PPFIA2: variants seen among roughly 807,000 people sequenced by gnomAD.
PPFIA2 encodes the protein PPFI scaffold protein A2.
In PPFIA2, 46 loss-of-function variants were observed where a neutral mutation model predicts 175.5. That is an observed-to-expected ratio of 0.26 (90% confidence interval 0.21 to 0.34). PPFIA2 has a LOEUF of 0.34. PPFIA2 is among the 10% of genes least tolerant of loss of function. PPFIA2 has a pLI of 1.00. For missense variants in PPFIA2, 1,179 were observed against 1,506.1 expected (o/e 0.78, Z 3.60); for synonymous variants, 568 against 511.4 (o/e 1.11, Z -1.49).
chr12:81,743,251 T>C (rs1188111598), intron 3 of PPFIA2, among the ~76,000 whole-genome samples: 3 of 151,204 alleles, frequency 2.0e-5, no homozygotes, highest in Non-Finnish European at 4.4e-5. Flanking sequence ...ACCCCATCTC[T>C]ACTAAAAATG....
chr12:81,574,073 C>T (rs2073058982), intron 4 of PPFIA2, among the ~76,000 whole-genome samples: 1 of 151,810 alleles, frequency 6.6e-6, no homozygotes, highest in Non-Finnish European at 1.5e-5. Context: ...ACATTTAATG[C>T]TACATTTTCT....
chr12:81,372,432 T>C (rs1254332975), intron 11 of PPFIA2, among the ~76,000 whole-genome samples: 3 of 150,210 alleles, frequency 2.0e-5, no homozygotes, highest in African/African-American at 7.3e-5. Context: ...ATTTTTACTT[T>C]AGTGAGTAGT....
At chr12:81,743,410 TCAAAAAAAAAAAAA>T (rs1169186746) in intron 3 of PPFIA2, among the ~76,000 whole-genome samples, 1 of 6,842 alleles carries the variant, frequency 1.5e-4, no homozygotes, top group African/African-American at 3.2e-4. Flanking sequence ...AGACTCCGTC[TCAAAAAAAAAAAAA>T]AAAAAAAAAA....
At chr12:81,387,494 A>T (rs986849264) in intron 8 of PPFIA2, among the ~76,000 whole-genome samples, 1 of 152,164 alleles carries the variant, frequency 6.6e-6, no homozygotes, top group African/African-American at 2.4e-5. Flanking sequence ...GAAGTACTGT[A>T]AGTCCAATAA....
intron 4 of PPFIA2, among the ~76,000 whole-genome samples, chr12:81,663,577 T>A (rs1457798403): frequency 6.6e-6 from 1 of 152,246 alleles, no homozygotes; most frequent in Non-Finnish European, 1.5e-5. Flanking sequence ...TGCTCATGGA[T>A]AGGAAGAATC....
intron 6 of PPFIA2, among the ~76,000 whole-genome samples, chr12:81,442,055 C>T (rs2050270606): frequency 6.6e-6 from 1 of 151,870 alleles, no homozygotes; most frequent in African/African-American, 2.4e-5. Context: ...TAGAACTGTT[C>T]CAAACTGTTT....
intron 4 of PPFIA2, among the ~76,000 whole-genome samples, chr12:81,497,556 T>G (rs867137909): frequency 0.012 from 1,769 of 142,028 alleles, 15 homozygotes; most frequent in African/African-American, 0.024. Flanking sequence ...TTTTTTTTTT[T>G]GGGGCAGAGT....
At chr12:81,586,685 T>G (rs2075344460) in intron 4 of PPFIA2, among the ~76,000 whole-genome samples, 1 of 151,742 alleles carries the variant, frequency 6.6e-6, no homozygotes, top group Admixed American at 6.6e-5. Flanking sequence ...TACTTAGCAT[T>G]CTGAAAATTT....
intron 4 of PPFIA2, among the ~76,000 whole-genome samples, chr12:81,527,977 G>C (rs1006754155): frequency 1.3e-5 from 2 of 152,044 alleles, no homozygotes; most frequent in Non-Finnish European, 2.9e-5. Flanking sequence ...AAGCTACTCG[G>C]TTTATGGTAT....
At chr12:81,416,861 T>C (rs984101064) in intron 7 of PPFIA2, among the ~76,000 whole-genome samples, 2 of 151,732 alleles carry the variant, frequency 1.3e-5, no homozygotes, top group Admixed American at 1.3e-4. Context: ...AGAGAGTGAA[T>C]GCAAACTAAA....
At chr12:81,374,081 T>C (rs893750114) in intron 11 of PPFIA2, among the ~76,000 whole-genome samples, 1 of 152,066 alleles carries the variant, frequency 6.6e-6, no homozygotes, top group African/African-American at 2.4e-5. Context: ...CTGGCCATAT[T>C]ATACAGAAAA....
intron 6 of PPFIA2, among the ~76,000 whole-genome samples, chr12:81,444,265 T>C (rs562611323): frequency 2.6e-5 from 4 of 152,338 alleles, no homozygotes; most frequent in African/African-American, 9.6e-5. Context: ...TTGTTTTTCA[T>C]TGATATGTGA....
intron 4 of PPFIA2, among the ~76,000 whole-genome samples, chr12:81,648,821 A>G (rs1253620489): frequency 2.0e-5 from 3 of 152,122 alleles, no homozygotes; most frequent in African/African-American, 7.2e-5. Flanking sequence ...AGAGAGTCCA[A>G]AACAGACCAA....
At chr12:81,637,612 C>T (rs1225237499) in intron 4 of PPFIA2, among the ~76,000 whole-genome samples, 1 of 152,050 alleles carries the variant, frequency 6.6e-6, no homozygotes, top group Non-Finnish European at 1.5e-5. Context: ...TCCTCTGTTA[C>T]ACTATGAGCC....
chr12:81,650,670 C>T (rs1295014645), intron 4 of PPFIA2, among the ~76,000 whole-genome samples: 1 of 152,044 alleles, frequency 6.6e-6, no homozygotes, highest in African/African-American at 2.4e-5. Context: ...AGTTTAGAAA[C>T]CTATGCAATA....
At chr12:81,659,095 T>C (rs1463766706) in intron 4 of PPFIA2, among the ~76,000 whole-genome samples, 1 of 152,164 alleles carries the variant, frequency 6.6e-6, no homozygotes, top group Non-Finnish European at 1.5e-5. Flanking sequence ...GGTTCCAAGA[T>C]GGCCAAATAG....
chr12:81,628,280 C>G (rs966086274), intron 4 of PPFIA2, among the ~76,000 whole-genome samples: 2 of 150,954 alleles, frequency 1.3e-5, no homozygotes, highest in African/African-American at 4.9e-5. Context: ...TATTAAGCAT[C>G]AATTGATCCC....
chr12:81,532,863 G>A (rs913902911), intron 4 of PPFIA2, among the ~76,000 whole-genome samples: 2 of 151,550 alleles, frequency 1.3e-5, no homozygotes, highest in Non-Finnish European at 3.0e-5. Context: ...ATTATTATTT[G>A]CATTTCCCCT....
chr12:81,462,097 A>G (rs1264708766), intron 4 of PPFIA2, among the ~76,000 whole-genome samples: 1 of 151,482 alleles, frequency 6.6e-6, no homozygotes, highest in Non-Finnish European at 1.5e-5. Context: ...ATATTATTGG[A>G]GGTTTTTTTT....
Sources: allele counts gnomAD v4.1 joint callset (sites outside exome capture counted in the v4.1 genomes callset), GRCh38; gene constraint gnomAD v4.1.1; transcripts MANE v1.5; gene names NCBI Gene and HGNC (gene_info 2026-07-23, HGNC 2026-07-21).